Variants in CAMKMT observed in about 807,000 individuals in gnomAD.
The protein encoded by CAMKMT is CaM KMT.
Under a neutral mutation model 48.0 loss-of-function variants are expected in CAMKMT, and 53 were observed. The observed-to-expected ratio is 1.10, with a 90% CI of 0.89 to 1.39. CAMKMT has a LOEUF of 1.39. Ranked by LOEUF, CAMKMT falls within the 40% of genes most tolerant of loss-of-function variation. The pLI is 0.00. For missense variants in CAMKMT, 428 were observed against 402.7 expected (o/e 1.06, Z -0.54); for synonymous variants, 165 against 152.3 (o/e 1.08, Z -0.61).
chr2:44,539,968 A>G (rs1667003119), intron 3 of CAMKMT, among the ~76,000 whole-genome samples: 1 of 152,142 alleles, frequency 6.6e-6, no homozygotes, highest in South Asian at 2.1e-4. Flanking sequence ...AGCAATCATG[A>G]GGCGATACTT....
At chr2:44,702,281 C>A (rs343988) in intron 3 of CAMKMT, among the ~76,000 whole-genome samples, 27,274 of 151,770 alleles carry the variant, frequency 0.18, 2,655 homozygotes, top group African/African-American at 0.23. Context: ...GAGATATGAC[C>A]GGTATTAGGA....
chr2:44,411,651 A>T (rs1354707047), intron 3 of CAMKMT, among the ~76,000 whole-genome samples: 1 of 152,168 alleles, frequency 6.6e-6, no homozygotes. Flanking sequence ...TATGCAAATA[A>T]ATACTGCCTT....
chr2:44,712,101 G>T (rs1247238923), intron 6 of CAMKMT, among the ~76,000 whole-genome samples: 1 of 151,920 alleles, frequency 6.6e-6, no homozygotes, highest in Non-Finnish European at 1.5e-5. Context: ...CAATTCATAT[G>T]AGTAATAAGC....
intron 3 of CAMKMT, among the ~76,000 whole-genome samples, chr2:44,637,617 C>T (rs1289983492): frequency 6.6e-6 from 1 of 151,908 alleles, no homozygotes; most frequent in African/African-American, 2.4e-5. Context: ...CCAATGGCTT[C>T]TCTACTACAA....
chr2:44,577,029 G>T (rs1669261912), intron 3 of CAMKMT, among the ~76,000 whole-genome samples: 1 of 152,162 alleles, frequency 6.6e-6, no homozygotes. Context: ...AAAGATGTGT[G>T]TTTTTCAAAT....
At chr2:44,372,953 A>G in intron 2 of CAMKMT, 65 bp downstream of exon 2, 1 of 1,355,268 alleles carries the variant, frequency 7.4e-7, no homozygotes, top group Non-Finnish European at 1.0e-6. Context: ...AAAACAATCT[A>G]ATAAGAATCA....
At chr2:44,710,096 T>C (rs1677797452) in intron 6 of CAMKMT, among the ~76,000 whole-genome samples, 1 of 151,596 alleles carries the variant, frequency 6.6e-6, no homozygotes, top group African/African-American at 2.4e-5. Flanking sequence ...ATTCTGATTT[T>C]TACCTTTTTT....
At chr2:44,501,562 A>C (rs1670008002) in intron 3 of CAMKMT, among the ~76,000 whole-genome samples, 1 of 152,316 alleles carries the variant, frequency 6.6e-6, no homozygotes, top group Non-Finnish European at 1.5e-5. Context: ...CTGGGTCTTC[A>C]TTGTGAAGTC....
intron 3 of CAMKMT, among the ~76,000 whole-genome samples, chr2:44,702,559 G>A (rs1193119153): frequency 6.6e-6 from 1 of 152,184 alleles, no homozygotes; most frequent in East Asian, 1.9e-4. Flanking sequence ...GGCAGGTTAA[G>A]TAACCTGTCC....
chr2:44,441,388 C>T (rs1666651417), intron 3 of CAMKMT, among the ~76,000 whole-genome samples: 3 of 152,084 alleles, frequency 2.0e-5, no homozygotes, highest in South Asian at 4.1e-4. Context: ...AGTGATGACT[C>T]GGAATTAATC....
At chr2:44,704,144 C>T (rs2048870) in intron 3 of CAMKMT, 139 bp from the exon 4 acceptor site, 4 of 465,738 alleles carry the variant, frequency 8.6e-6, no homozygotes, top group South Asian at 1.4e-4. Flanking sequence ...AAAAGACACC[C>T]GTGACATGAC....
intron 3 of CAMKMT, among the ~76,000 whole-genome samples, chr2:44,614,428 C>T (rs527510730): frequency 6.6e-6 from 1 of 152,158 alleles, no homozygotes; most frequent in Non-Finnish European, 1.5e-5. Flanking sequence ...GTCGAAGGCA[C>T]ATATTTATTG....
intron 3 of CAMKMT, among the ~76,000 whole-genome samples, chr2:44,627,624 A>G (rs1672559678): frequency 6.6e-6 from 1 of 150,826 alleles, no homozygotes; most frequent in East Asian, 1.9e-4. Context: ...TATATCTTTC[A>G]AGGAATTTGT....
chr2:44,701,725 A>G (rs911484212), intron 3 of CAMKMT, among the ~76,000 whole-genome samples: 9 of 152,212 alleles, frequency 5.9e-5, no homozygotes, highest in Admixed American at 3.9e-4. Flanking sequence ...GAAACTGGTT[A>G]AATGAATTCT....
chr2:44,395,818 G>C (rs900226245), intron 3 of CAMKMT, among the ~76,000 whole-genome samples: 1 of 152,058 alleles, frequency 6.6e-6, no homozygotes, highest in African/African-American at 2.4e-5. Context: ...ATACAAGATA[G>C]AAGATATTTT....
At chr2:44,644,354 A>C (rs1355532391) in intron 3 of CAMKMT, among the ~76,000 whole-genome samples, 1 of 152,252 alleles carries the variant, frequency 6.6e-6, no homozygotes, top group Non-Finnish European at 1.5e-5. Flanking sequence ...GTAAGTCTAT[A>C]AGTTGTTTTA....
intron 3 of CAMKMT, among the ~76,000 whole-genome samples, chr2:44,693,353 T>G (rs1676765186): frequency 6.6e-6 from 1 of 152,198 alleles, no homozygotes; most frequent in South Asian, 2.1e-4. Flanking sequence ...TCACCACCCC[T>G]CCTCCAGTCT....
intron 7 of CAMKMT, among the ~76,000 whole-genome samples, chr2:44,739,970 T>A (rs549377832): frequency 6.6e-6 from 1 of 151,974 alleles, no homozygotes; most frequent in Non-Finnish European, 1.5e-5. Flanking sequence ...AGGGGATGGA[T>A]CTAGGTGGCA....
chr2:44,563,150 T>C (rs1268394247), intron 3 of CAMKMT, among the ~76,000 whole-genome samples: 1 of 146,532 alleles, frequency 6.8e-6, no homozygotes, highest in Non-Finnish European at 1.5e-5. Flanking sequence ...TTTTAAATTA[T>C]TGTTATAAAA....
Sources: allele counts gnomAD v4.1 joint callset (sites outside exome capture counted in the v4.1 genomes callset), GRCh38; gene constraint gnomAD v4.1.1; transcripts MANE v1.5; gene names NCBI Gene and HGNC (gene_info 2026-07-23, HGNC 2026-07-21).